FAM168A: variants seen among roughly 807,000 people sequenced by gnomAD.
FAM168A encodes the protein protein FAM168A.
In FAM168A, 3 loss-of-function variants were observed where a neutral mutation model predicts 28.5. The ratio of observed to expected loss-of-function variants is 0.11; its 90% CI spans 0.05 to 0.27. The LOEUF (loss-of-function observed/expected upper bound fraction) is 0.27. Ranked by LOEUF, FAM168A falls within the 10% of genes least tolerant of loss-of-function variation. FAM168A has a pLI of 1.00. For missense variants in FAM168A, 222 were observed against 311.5 expected, an observed-to-expected ratio of 0.71 and a Z score of 2.16; for synonymous variants, 122 against 124.2, an observed-to-expected ratio of 0.98 and a Z score of 0.12.
Position 73,419,938 on chromosome 11 carries a change from G to A in FAM168A, c.213C>T (p.Thr71=). 6.2e-7 allele frequency: 1 copy of A among 1,614,044 alleles called. No homozygotes were observed. The highest frequency in any genetic ancestry group is 2.2e-5 in the East Asian group (1 of 44,882). Residue 71 remains threonine, a synonymous_variant, in exon 4 of 8, where the codon ACC becomes ACT. Coordinates refer to ENST00000356467, the MANE Select transcript of FAM168A (RefSeq NM_015159.3). ...QNSSSCGTEG[T]FHLPVDTGTE... ...TCCCGGTGTCCACTGGGAGGTGGAAGGTGCCTTCAGTGCCACAGGAAGACG... is the reference window on the plus strand; with the variant it reads ...TCCCGGTGTCCACTGGGAGGTGGAAAGTGCCTTCAGTGCCACAGGAAGACG...
At chr11:73,549,539 A>T (rs1943801162) in intron 1 of FAM168A, among the ~76,000 whole-genome samples, 2 of 152,168 alleles carry the variant, frequency 1.3e-5, no homozygotes, top group African/African-American at 4.8e-5. Flanking sequence ...GGACAGCGCT[A>T]TGTCTAAATT....
intron 1 of FAM168A, among the ~76,000 whole-genome samples, chr11:73,597,619 C>T (rs1944452021): frequency 6.6e-6 from 1 of 152,010 alleles, no homozygotes; most frequent in Admixed American, 6.6e-5. Flanking sequence ...TCCACCTCGC[C>T]CCAAGACCAT....
intron 1 of FAM168A, among the ~76,000 whole-genome samples, chr11:73,509,540 A>C (rs902413823): frequency 1.1e-4 from 16 of 152,208 alleles, no homozygotes; most frequent in African/African-American, 3.9e-4. Context: ...AGTACATCAA[A>C]GTGAGATGTC....
chr11:73,589,666 C>T (rs951155709), intron 1 of FAM168A, among the ~76,000 whole-genome samples: 1 of 152,214 alleles, frequency 6.6e-6, no homozygotes, highest in African/African-American at 2.4e-5. Context: ...CGGTGGCTCA[C>T]GCCTGTAATC....
chr11:73,454,764 C>T (rs1210425431), intron 2 of FAM168A, among the ~76,000 whole-genome samples: 1 of 152,174 alleles, frequency 6.6e-6, no homozygotes, highest in African/African-American at 2.4e-5. Flanking sequence ...AGCTTGACAG[C>T]AAAACTTCGA....
At chr11:73,436,752 A>C (rs1403626228) in intron 2 of FAM168A, among the ~76,000 whole-genome samples, 1 of 151,938 alleles carries the variant, frequency 6.6e-6, no homozygotes, top group East Asian at 1.9e-4. Flanking sequence ...ATTCCTACCA[A>C]CCTCCCTGCC....
At chr11:73,570,177 GTTCTAATCACA>G (rs890054223) in intron 1 of FAM168A, among the ~76,000 whole-genome samples, 2 of 152,138 alleles carry the variant, frequency 1.3e-5, no homozygotes, top group African/African-American at 4.8e-5. Context: ...GATTGCTTGG[GTTCTAATCACA>G]GCTGCATCCC....
chr11:73,404,319 G>GT lies in FAM168A; in HGVS notation c.*2443dup, dbSNP rs1866464711. On this transcript the variant is annotated 3_prime_UTR_variant, in exon 8 of 8. Transcript: ENST00000356467. ...GTGGGCCTGTTCCCTTCCATAACCT[G>GT]TTTCCTCATTTGTCAATTGACTGTA... 1 of 152,066 alleles carries GT rather than the reference G, an allele frequency of 6.6e-6. No homozygotes were observed. Among genetic ancestry groups the GT allele is most frequent in the Non-Finnish European group, 1.5e-5 (1 of 68,036 alleles). 9.4% of individuals were successfully genotyped at this position (152,066 alleles called of 1,614,324 possible).
intron 1 of FAM168A, among the ~76,000 whole-genome samples, chr11:73,529,971 G>T (rs1437467123): frequency 1.3e-5 from 2 of 151,832 alleles, no homozygotes; most frequent in African/African-American, 4.8e-5. Context: ...ATTTTTAGTA[G>T]AGACAGGGTT....
intron 2 of FAM168A, among the ~76,000 whole-genome samples, chr11:73,438,876 TC>T (rs1867141513): frequency 6.6e-6 from 1 of 152,050 alleles, no homozygotes; most frequent in African/African-American, 2.4e-5. Flanking sequence ...CCCATTTTAG[TC>T]CTGTGGGCTA....
intron 1 of FAM168A, among the ~76,000 whole-genome samples, chr11:73,578,320 G>A (rs1322879813): frequency 2.0e-5 from 3 of 152,118 alleles, no homozygotes. Flanking sequence ...GACTTCAAAG[G>A]GGCACCAAGA....
chr11:73,524,956 T>C (rs1315314836), intron 1 of FAM168A, among the ~76,000 whole-genome samples: 1 of 152,184 alleles, frequency 6.6e-6, no homozygotes, highest in Non-Finnish European at 1.5e-5. Flanking sequence ...GACTATTCCT[T>C]TTTCAAATAG....
At chr11:73,504,812 T>G (rs1177797287) in intron 1 of FAM168A, among the ~76,000 whole-genome samples, 1 of 152,196 alleles carries the variant, frequency 6.6e-6, no homozygotes, top group Non-Finnish European at 1.5e-5. Context: ...TACCATGGAA[T>G]ACTACGCAGC....
chr11:73,519,107 T>C (rs576993334), intron 1 of FAM168A, among the ~76,000 whole-genome samples: 2 of 152,252 alleles, frequency 1.3e-5, no homozygotes, highest in African/African-American at 4.8e-5. Flanking sequence ...GCAACACAAA[T>C]GGACTGAGAC....
chr11:73,532,456 C>G (rs751166498), intron 1 of FAM168A, among the ~76,000 whole-genome samples: 11 of 152,156 alleles, frequency 7.2e-5, no homozygotes, highest in Non-Finnish European at 1.3e-4. Flanking sequence ...ACAAATCCTT[C>G]CTGGGGTCTA....
intron 1 of FAM168A, among the ~76,000 whole-genome samples, chr11:73,547,852 A>G (rs1184213466): frequency 1.4e-5 from 2 of 145,102 alleles, no homozygotes; most frequent in African/African-American, 5.5e-5. Flanking sequence ...TGAATGGGGA[A>G]AAAAAAAAAA....
chr11:73,547,928 G>A (rs1337713738), intron 1 of FAM168A, among the ~76,000 whole-genome samples: 2 of 151,988 alleles, frequency 1.3e-5, no homozygotes, highest in South Asian at 2.1e-4. Flanking sequence ...CCTTTCACAT[G>A]CTACAGCATG....
intron 1 of FAM168A, among the ~76,000 whole-genome samples, chr11:73,495,495 T>C (rs1854855703): frequency 6.6e-6 from 1 of 152,144 alleles, no homozygotes; most frequent in South Asian, 2.1e-4. Flanking sequence ...TTGAAATCAC[T>C]GGGGTGCTCT....
intron 1 of FAM168A, among the ~76,000 whole-genome samples, chr11:73,552,001 C>T (rs145193195): frequency 3.4e-4 from 52 of 152,320 alleles, no homozygotes; most frequent in Middle Eastern, 3.4e-3. Flanking sequence ...AAGGAAGGAA[C>T]GATCTCACAT....
Sources: gnomAD v4.1 joint callset for allele counts (sites outside exome capture counted in the v4.1 genomes callset) on GRCh38, gnomAD v4.1.1 for gene constraint, MANE v1.5 for transcripts, NCBI Gene and HGNC (gene_info 2026-07-23, HGNC 2026-07-21) for gene names.